Variants in BABAM2 observed in about 807,000 individuals in gnomAD.
BABAM2 encodes BRISC and BRCA1-A complex member 2.
Under a neutral mutation model 54.7 loss-of-function variants are expected in BABAM2, and 31 were observed. That is an observed-to-expected ratio of 0.57 (90% CI 0.43 to 0.77). The LOEUF (loss-of-function observed/expected upper bound fraction) is 0.77. Among genes scored for constraint, BABAM2 ranks in the 30% least tolerant of loss-of-function variants. The pLI, the probability that BABAM2 is intolerant of heterozygous loss-of-function variation, is 0.00. For synonymous variants in BABAM2, 167 were observed against 162.9 expected, an observed-to-expected ratio of 1.03 and a Z score of -0.19; for missense variants, 364 against 455.8, an observed-to-expected ratio of 0.80 and a Z score of 1.83.
At chr2:28,318,122 C>T (rs111979504) in intron 11 of BABAM2, among the ~76,000 whole-genome samples, 1,635 of 152,252 alleles carry the variant, frequency 0.011, 36 homozygotes, top group African/African-American at 0.038. Flanking sequence ...GCCCTGAGGC[C>T]GGCAGTAGTA....
At chr2:28,090,915 C>G (rs1666106854) in intron 6 of BABAM2, among the ~76,000 whole-genome samples, 1 of 152,046 alleles carries the variant, frequency 6.6e-6, no homozygotes. Context: ...ATTTATTTTT[C>G]TATTTTCCTG....
intron 6 of BABAM2, among the ~76,000 whole-genome samples, chr2:28,080,143 A>ATTGGG (rs1665036283): frequency 6.6e-6 from 1 of 152,126 alleles, no homozygotes; most frequent in African/African-American, 2.4e-5. Flanking sequence ...AAGTAGTTAA[A>ATTGGG]TTGGGCATCT....
intron 8 of BABAM2, among the ~76,000 whole-genome samples, chr2:28,241,071 T>TA (rs983966069): frequency 2.0e-5 from 3 of 152,158 alleles, no homozygotes; most frequent in African/African-American, 7.2e-5. Flanking sequence ...TAGAGATGCA[T>TA]ACTGAAATAT....
At chr2:28,101,239 C>G (rs922573611) in intron 6 of BABAM2, among the ~76,000 whole-genome samples, 2 of 152,160 alleles carry the variant, frequency 1.3e-5, no homozygotes, top group East Asian at 3.8e-4. Context: ...AGTCTGTGAT[C>G]TTTCTACTCT....
chr2:27,933,668 T>C (rs1668268892), intron 3 of BABAM2, among the ~76,000 whole-genome samples: 2 of 151,964 alleles, frequency 1.3e-5, no homozygotes, highest in Admixed American at 1.3e-4. Flanking sequence ...TTTCACCATG[T>C]TGGCCAGGAT....
chr2:28,153,635 C>T (rs1672262090), intron 7 of BABAM2, among the ~76,000 whole-genome samples: 1 of 152,182 alleles, frequency 6.6e-6, no homozygotes, highest in South Asian at 2.1e-4. Flanking sequence ...CAGTGCTTCT[C>T]AAGAATGTTG....
chr2:28,157,838 T>C (rs1431122658), intron 7 of BABAM2, among the ~76,000 whole-genome samples: 1 of 152,162 alleles, frequency 6.6e-6, no homozygotes, highest in African/African-American at 2.4e-5. Context: ...CTCAACCTCC[T>C]GACCTCGTGA....
At chr2:28,324,194 G>A (rs1430279429) in intron 11 of BABAM2, among the ~76,000 whole-genome samples, 1 of 152,170 alleles carries the variant, frequency 6.6e-6, no homozygotes, top group Non-Finnish European at 1.5e-5. Flanking sequence ...AAAGTTTAAT[G>A]GAGGAGACTA....
At chr2:28,133,925 T>C (rs1670304957) in intron 7 of BABAM2, among the ~76,000 whole-genome samples, 1 of 152,162 alleles carries the variant, frequency 6.6e-6, no homozygotes, top group African/African-American at 2.4e-5. Flanking sequence ...GGTCGTGGAA[T>C]AGTTGTCTGG....
At chr2:28,050,195 ATGT>A (rs770324646) in intron 6 of BABAM2, among the ~76,000 whole-genome samples, 13 of 152,216 alleles carry the variant, frequency 8.5e-5, no homozygotes, top group Non-Finnish European at 1.6e-4. Context: ...CTTCTTGTTG[ATGT>A]TGTTGTTAAT....
chr2:28,186,422 C>T (rs1162850453), intron 7 of BABAM2, among the ~76,000 whole-genome samples: 5 of 152,066 alleles, frequency 3.3e-5, no homozygotes, highest in African/African-American at 4.8e-5. Context: ...GAGGATGTTA[C>T]ACTTTAGAGG....
At chr2:28,131,832 A>G (rs1158267831) in intron 7 of BABAM2, among the ~76,000 whole-genome samples, 5 of 152,160 alleles carry the variant, frequency 3.3e-5, no homozygotes, top group African/African-American at 1.2e-4. Context: ...GAGTTAAATT[A>G]CAAAGGTGCT....
intron 4 of BABAM2, among the ~76,000 whole-genome samples, chr2:27,993,378 C>A (rs535849660): frequency 6.6e-6 from 1 of 152,034 alleles, no homozygotes; most frequent in Non-Finnish European, 1.5e-5. Flanking sequence ...AGAAAATACA[C>A]TTTAGATTAA....
chr2:28,269,191 A>G (rs1685219735), intron 10 of BABAM2, among the ~76,000 whole-genome samples: 1 of 152,232 alleles, frequency 6.6e-6, no homozygotes, highest in Non-Finnish European at 1.5e-5. Flanking sequence ...GCCAGCCCTG[A>G]TCCATCCCTT....
intron 7 of BABAM2, among the ~76,000 whole-genome samples, chr2:28,151,394 A>G (rs748421274): frequency 2.2e-4 from 33 of 152,050 alleles, no homozygotes; most frequent in Admixed American, 2.0e-4. Flanking sequence ...CCAACATGCA[A>G]CCCCATCTCT....
chr2:28,003,665 G>T (rs1673738140), intron 4 of BABAM2, among the ~76,000 whole-genome samples: 2 of 152,044 alleles, frequency 1.3e-5, no homozygotes, highest in Admixed American at 1.3e-4. Flanking sequence ...AAATGAACAT[G>T]GGCGAGACAG....
chr2:28,298,565 G>C, intron 11 of BABAM2, 74 bp downstream of exon 11: 1 of 1,572,690 alleles, frequency 6.4e-7, no homozygotes, highest in Non-Finnish European at 8.7e-7. Flanking sequence ...GCAAGCTACT[G>C]CTTGCAGGTT....
intron 6 of BABAM2, among the ~76,000 whole-genome samples, chr2:28,053,210 A>T (rs928877208): frequency 1.3e-5 from 2 of 152,236 alleles, no homozygotes; most frequent in African/African-American, 4.8e-5. Context: ...CACAGATTAA[A>T]TAACTCCTCT....
At chr2:27,977,629 C>T (rs1671694499) in intron 3 of BABAM2, among the ~76,000 whole-genome samples, 1 of 152,102 alleles carries the variant, frequency 6.6e-6, no homozygotes, top group Non-Finnish European at 1.5e-5. Flanking sequence ...TAAATTAAGG[C>T]ATGGATTTTT....
Sources: gnomAD v4.1 joint callset for allele counts (sites outside exome capture counted in the v4.1 genomes callset) on GRCh38, gnomAD v4.1.1 for gene constraint, MANE v1.5 for transcripts, NCBI Gene and HGNC (gene_info 2026-07-23, HGNC 2026-07-21) for gene names.